The following NTRK2 variants were observed in gnomAD, a reference collection of about 807,000 sequenced individuals.
NTRK2 encodes neurotrophic receptor tyrosine kinase 2.
NTRK2 carries 13 observed loss-of-function variants against 94.5 expected under a neutral mutation model. The ratio of observed to expected loss-of-function variants is 0.14; its 90% confidence interval spans 0.09 to 0.22. The LOEUF is 0.22. NTRK2 is among the 10% of genes least tolerant of loss of function. The probability of loss-of-function intolerance (pLI) is 1.00; values close to 1 mark genes in which losing one functional copy is unlikely to be tolerated. For synonymous variants in NTRK2, 372 were observed against 407.4 expected, an observed-to-expected ratio of 0.91 and a Z score of 1.05; for missense variants, 639 against 1,071.2, an observed-to-expected ratio of 0.60 and a Z score of 5.63.
intron 12 of NTRK2, chr9:84,811,517 T>C: frequency 9.4e-7 from 1 of 1,065,468 alleles, no homozygotes; most frequent in Non-Finnish European, 1.1e-6. Context: ...AAGGCCACAG[T>C]ATCTCATGCT....
At chr9:84,685,574 C>A (rs1048405697) in intron 2 of NTRK2, among the ~76,000 whole-genome samples, 3 of 152,060 alleles carry the variant, frequency 2.0e-5, no homozygotes, top group Admixed American at 6.6e-5. Context: ...TTGAAAGCCC[C>A]GTGTCCTCAA....
intron 10 of NTRK2, 113 bp downstream of exon 10, chr9:84,742,040 T>C (rs1340738105): frequency 1.1e-6 from 1 of 919,338 alleles, no homozygotes. Context: ...ACTTTAAGCA[T>C]TACATAGGCC....
intron 2 of NTRK2, among the ~76,000 whole-genome samples, chr9:84,690,548 C>CA (rs111344866): frequency 0.57 from 84,796 of 149,400 alleles, 24,065 homozygotes; most frequent in East Asian, 0.64. Context: ...TAATTTATTA[C>CA]AAAAAAAAAC....
At position 84,751,970 on chromosome 9, in the gene NTRK2, C is replaced by T. The variant is rs369672384; in HGVS notation, c.1297-16C>T. 9.9e-6 allele frequency: 16 copies of T among 1,609,482 alleles called. No homozygotes were observed. The highest frequency in any genetic ancestry group is 1.3e-5 in the Non-Finnish European group (15 of 1,175,802). ...TAATTAGCAAGGTTATAACCACCCT[C>T]CCTTCCTTTCTCTAGGTCTATGCTG... On this transcript the variant is annotated splice_polypyrimidine_tract_variant and intron_variant, in intron 11 of 18. Coordinates refer to ENST00000277120, the MANE Select transcript of NTRK2 (RefSeq NM_006180.6).
rs759206123 is a variant in NTRK2, at chr9:84,670,849, C to T, written c.101C>T (p.Thr34Met). ...GFWRAAFACPTSCKCSASRIW... is the reference protein window; with the variant it reads ...GFWRAAFACPMSCKCSASRIW... The stretch of plus-strand genomic sequence containing the variant: ...TGGAGGGCCGCTTTCGCCTGTCCCA[C>T]GTCCTGCAAATGCAGTGCCTCTCGG... Residue 34 changes from threonine (T) to methionine (M), a missense_variant, in exon 2 of 19, where the codon ACG becomes ATG. Around this residue, in one of 5 missense-constraint regions of NTRK2, gnomAD observed 206 missense variants for 251.5 expected, o/e 0.82. Transcript: ENST00000277120. 1.2e-6 allele frequency: 2 copies of T among 1,614,080 alleles called. No homozygotes were observed. The highest frequency in any genetic ancestry group is 1.7e-5 in the Admixed American group (1 of 60,034).
intron 12 of NTRK2, chr9:84,811,101 A>C (rs1382750985): frequency 9.4e-7 from 1 of 1,068,864 alleles, no homozygotes; most frequent in South Asian, 4.4e-5. Flanking sequence ...AGAGGGTTTG[A>C]CTTTTTCATC....
At chr9:84,844,328 C>G (rs936902821) in intron 12 of NTRK2, among the ~76,000 whole-genome samples, 2 of 152,146 alleles carry the variant, frequency 1.3e-5, no homozygotes, top group Non-Finnish European at 2.9e-5. Context: ...GGATGGTTCA[C>G]TGTTTTGAAT....
intron 12 of NTRK2, among the ~76,000 whole-genome samples, chr9:84,825,293 A>G (rs2073114356): frequency 6.6e-6 from 1 of 151,996 alleles, no homozygotes; most frequent in Middle Eastern, 3.4e-3. Flanking sequence ...CCTGAGCCCC[A>G]CATTATCTTC....
intron 2 of NTRK2, among the ~76,000 whole-genome samples, chr9:84,690,237 C>A (rs927728063): frequency 3.9e-5 from 6 of 152,060 alleles, no homozygotes; most frequent in Non-Finnish European, 7.4e-5. Context: ...AAAATTTTAC[C>A]ACTGGAATCA....
intron 14 of NTRK2, among the ~76,000 whole-genome samples, chr9:84,915,135 C>G (rs983737698): frequency 8.5e-5 from 13 of 152,170 alleles, no homozygotes; most frequent in African/African-American, 3.1e-4. Context: ...GGAGGCAAAG[C>G]TCAGGTGGTG....
At chr9:84,754,706 T>A (rs1284350689) in intron 12 of NTRK2, among the ~76,000 whole-genome samples, 1 of 152,160 alleles carries the variant, frequency 6.6e-6, no homozygotes, top group African/African-American at 2.4e-5. Context: ...GAAAGGCTTG[T>A]GGCTGCTGTG....
intron 12 of NTRK2, among the ~76,000 whole-genome samples, chr9:84,779,831 T>A (rs931583839): frequency 3.3e-5 from 5 of 152,224 alleles, no homozygotes. Flanking sequence ...CTTAATTCCA[T>A]GCTGGACTTT....
chr9:84,771,852 C>G (rs576519161), intron 12 of NTRK2, among the ~76,000 whole-genome samples: 4 of 152,302 alleles, frequency 2.6e-5, no homozygotes, highest in Admixed American at 6.5e-5. Context: ...TTCCCACTAA[C>G]CATCTGAGGG....
At chr9:84,917,255 T>C (rs181228654) in intron 14 of NTRK2, among the ~76,000 whole-genome samples, 177 of 152,286 alleles carry the variant, frequency 1.2e-3, no homozygotes, top group African/African-American at 4.1e-3. Flanking sequence ...TCTTTCAAAG[T>C]TGTTTTTTAA....
chr9:84,728,718 G>A (rs992832837), intron 9 of NTRK2, among the ~76,000 whole-genome samples: 3 of 152,258 alleles, frequency 2.0e-5, no homozygotes, highest in African/African-American at 7.2e-5. Flanking sequence ...TCCTAGGAGT[G>A]GTAATAGTGC....
At chr9:84,955,604 A>C in intron 17 of NTRK2, 87 bp downstream of exon 17, 1 of 1,094,172 alleles carries the variant, frequency 9.1e-7, no homozygotes, top group South Asian at 1.3e-5. Flanking sequence ...TGTCATAACA[A>C]AATATCATGA....
chr9:84,947,079 C>T (rs1219656977), intron 15 of NTRK2, among the ~76,000 whole-genome samples: 2 of 152,146 alleles, frequency 1.3e-5, no homozygotes, highest in African/African-American at 4.8e-5. Flanking sequence ...CCTCAGCCTC[C>T]CGAGTATCTG....
chr9:84,998,056 C>A (rs749700997), intron 17 of NTRK2, among the ~76,000 whole-genome samples: 11 of 152,188 alleles, frequency 7.2e-5, no homozygotes, highest in African/African-American at 4.8e-5. Context: ...TGCTGAGATA[C>A]GAAGCTCAGA....
At chr9:84,849,911 A>T (rs1250900459) in intron 12 of NTRK2, among the ~76,000 whole-genome samples, 1 of 152,194 alleles carries the variant, frequency 6.6e-6, no homozygotes. Context: ...GCCCTGCTTG[A>T]TGCTGTTGTA....
Sources: gnomAD v4.1 joint callset for allele counts (sites outside exome capture counted in the v4.1 genomes callset) on GRCh38, gnomAD v4.1.1 for gene constraint, gnomAD v4.1.1 regional missense constraint, MANE v1.5 for transcripts, NCBI Gene and HGNC (gene_info 2026-07-23, HGNC 2026-07-21) for gene names.